The following BUB1 variants were observed in gnomAD, a reference collection of about 807,000 sequenced individuals.
BUB1 encodes the protein mitotic checkpoint serine/threonine-protein kinase BUB1.
In BUB1, 84 loss-of-function variants were observed where a neutral mutation model predicts 135.2. That is an observed-to-expected ratio of 0.62 (90% CI 0.52 to 0.74). BUB1 has a LOEUF of 0.74. Ranked by LOEUF, BUB1 falls within the 30% of genes least tolerant of loss-of-function variation. The pLI, the probability that BUB1 is intolerant of heterozygous loss-of-function variation, is 0.00. For synonymous variants in BUB1, 403 were observed against 434.4 expected (o/e 0.93, Z 0.90); for missense variants, 1,162 against 1,288.3 (o/e 0.90, Z 1.50).
chr2:110,649,850 T>A (rs1689735057), intron 18 of BUB1, among the ~76,000 whole-genome samples: 1 of 152,210 alleles, frequency 6.6e-6, no homozygotes, highest in Non-Finnish European at 1.5e-5. Flanking sequence ...AGAGAAATAA[T>A]TTCTAAAAGT....
chr2:110,642,224 C>T lies in BUB1; in HGVS notation c.2358G>A (p.Leu786=). Reference sequence around the variant, plus strand: ...CTCCAAGAAGGTGATGGACATAGACCAGCTTAGAACCTTAGAAGATAATTG... The same window carrying T: ...CTCCAAGAAGGTGATGGACATAGACTAGCTTAGAACCTTAGAAGATAATTG... ...PKTEFQLGSK[L]VYVHHLLGEG... Residue 786 remains leucine, a synonymous_variant, in exon 20 of 25, where the codon CTG becomes CTA. Transcript: ENST00000302759. The T allele has an allele frequency of 1.2e-6, 2 of 1,602,654 alleles. No homozygotes were observed. Among genetic ancestry groups the T allele is most frequent in the Admixed American group, 1.7e-5 (1 of 57,598 alleles).
chr2:110,675,726 G>A (rs764323008), intron 1 of BUB1, among the ~76,000 whole-genome samples: 11 of 151,806 alleles, frequency 7.2e-5, no homozygotes, highest in Non-Finnish European at 1.2e-4. Context: ...ATCATGGCTC[G>A]CTGTAACCTC....
chr2:110,649,142 G>C, intron 19 of BUB1, 92 bp downstream of exon 19: 2 of 1,218,552 alleles, frequency 1.6e-6, no homozygotes, highest in Non-Finnish European at 2.3e-6. Context: ...GGGCAAATAG[G>C]AGAATCACAC....
At chr2:110,657,441 T>G (rs1294788304) in intron 14 of BUB1, 105 bp downstream of exon 14, 1 of 801,950 alleles carries the variant, frequency 1.2e-6, no homozygotes, top group East Asian at 2.9e-5. Flanking sequence ...AAAAGGCTCA[T>G]TTGACCATGT....
chr2:110,669,389 G>A, intron 6 of BUB1, 64 bp downstream of exon 6: 1 of 1,114,538 alleles, frequency 9.0e-7, no homozygotes, highest in Non-Finnish European at 1.4e-6. Context: ...GATGTAGAAG[G>A]CAGCCAGGCT....
chr2:110,664,338 G>C (rs1447013695), intron 9 of BUB1, among the ~76,000 whole-genome samples: 5 of 152,040 alleles, frequency 3.3e-5, no homozygotes, highest in African/African-American at 9.7e-5. Flanking sequence ...CCCCTCTAGA[G>C]AAAAACAAAC....
At chr2:110,670,491 A>G (rs1690392436) in intron 5 of BUB1, 34 bp downstream of exon 5, 1 of 1,609,988 alleles carries the variant, frequency 6.2e-7, no homozygotes, top group South Asian at 1.1e-5. Flanking sequence ...GACTAAATGG[A>G]CAACAACAGG....
chr2:110,648,511 A>AT lies in BUB1; in HGVS notation c.2347+722dup. Among the ~76,000 whole-genome samples, 1 of 152,270 alleles carries AT rather than the reference A, an allele frequency of 6.6e-6. No individual in the cohort carries two copies. Among genetic ancestry groups the AT allele is most frequent in the East Asian group, 1.9e-4 (1 of 5,184 alleles). ...CTACATTCGTAAAAAACCCCACAGGATATACAACCCAAAGAGTGAACCCTA... is the reference window on the plus strand; with the variant it reads ...CTACATTCGTAAAAAACCCCACAGGATTATACAACCCAAAGAGTGAACCCTA... On this transcript the variant is annotated intron_variant, in intron 19 of 24. Coordinates refer to ENST00000302759, the MANE Select transcript of BUB1 (RefSeq NM_004336.5). The surrounding 1 kb of genome is among the most constrained non-coding windows in gnomAD (Gnocchi z 4.2).
intron 16 of BUB1, among the ~76,000 whole-genome samples, chr2:110,653,938 G>A (rs76385721): frequency 0.016 from 2,482 of 152,280 alleles, 24 homozygotes; most frequent in Non-Finnish European, 0.025. Flanking sequence ...CCAGGAGTTT[G>A]AGGCTGCACT....
rs1193509925 is a variant in BUB1, at chr2:110,678,042, A to G, written c.-47T>C. 13 of 1,573,164 alleles carry G rather than the reference A, an allele frequency of 8.3e-6. No homozygotes were observed. Among genetic ancestry groups the G allele is most frequent in the African/African-American group, 1.4e-5 (1 of 73,562 alleles). On this transcript the variant is annotated 5_prime_UTR_variant, in exon 1 of 25. Transcript: ENST00000302759. ...AGCGGCCAAACCTGAACCGCAAACTAGAAGCCGCCGCCGATTCGAATACCC... is the reference window on the plus strand; with the variant it reads ...AGCGGCCAAACCTGAACCGCAAACTGGAAGCCGCCGCCGATTCGAATACCC...
At chr2:110,670,712 T>C in intron 4 of BUB1, 144 bp from the exon 5 acceptor site, 1 of 711,684 alleles carries the variant, frequency 1.4e-6, no homozygotes, top group Non-Finnish European at 2.2e-6. Context: ...CATTTTAGAG[T>C]TGCTTCGAAA....
chr2:110,639,705 A>G, intron 24 of BUB1, 37 bp downstream of exon 24: 1 of 1,453,894 alleles, frequency 6.9e-7, no homozygotes, highest in Non-Finnish European at 9.6e-7. Context: ...TACTTTAGTT[A>G]TTCTCTTTTC....
rs529871883 is a variant in BUB1, at chr2:110,677,324, G to C, written c.26+646C>G. Reference sequence around the variant, plus strand: ...CGCAAAGAACTGATAAAACGGACCAGTTTTACTTCCTGAACCTATGACTTA... The same window carrying C: ...CGCAAAGAACTGATAAAACGGACCACTTTTACTTCCTGAACCTATGACTTA... On this transcript the variant is annotated intron_variant, in intron 1 of 24. Transcript: ENST00000302759. Among the ~76,000 whole-genome samples the C allele has an allele frequency of 2.0e-5, 3 of 152,254 alleles. No homozygotes were observed. In the East Asian group the frequency reaches 5.8e-4, roughly 29 times the overall value.
chr2:110,672,553 CA>C lies in BUB1; in HGVS notation c.422+107del, dbSNP rs1690450697. The C allele has an allele frequency of 3.2e-6, 4 of 1,244,306 alleles. No individual in the cohort carries two copies. The Admixed American group carries it at 1.2e-4, about 37-fold the overall frequency. 77.1% of individuals were successfully genotyped at this position (1,244,306 alleles called of 1,614,324 possible). On this transcript the variant is annotated intron_variant, in intron 4 of 24. Transcript: ENST00000302759. The stretch of plus-strand genomic sequence containing the variant: ...ACTATCCTGTATTATCCACATTGTC[CA>C]AAACTAGAAGGATTTCCCTGTACAA...
chr2:110,669,406 T>A, intron 6 of BUB1, 47 bp downstream of exon 6: 1 of 1,344,660 alleles, frequency 7.4e-7, no homozygotes, highest in Non-Finnish European at 1.1e-6. Flanking sequence ...GGCTGGCCAT[T>A]CAATACCATT....
rs1466767067 is a variant in BUB1 at position 110,657,137 on chromosome 2, A to C, written c.1617-20T>G. 1 of 1,586,588 alleles carries C rather than the reference A, an allele frequency of 6.3e-7. No homozygotes were observed. The highest frequency in any genetic ancestry group is 1.4e-5 in the African/African-American group (1 of 74,022). The stretch of plus-strand genomic sequence containing the variant: ...GGTAATCTAAGGAAAGATTTGCTAA[A>C]TTATAAATAGTAAAATATGCTAAGG... On this transcript the variant is annotated intron_variant, in intron 14 of 24. Coordinates refer to ENST00000302759, the MANE Select transcript of BUB1 (RefSeq NM_004336.5).
At chr2:110,654,056 T>A (rs889352531) in intron 16 of BUB1, among the ~76,000 whole-genome samples, 3 of 152,064 alleles carry the variant, frequency 2.0e-5, no homozygotes, top group Non-Finnish European at 4.4e-5. Context: ...CTAATTCCTA[T>A]AATCCTTCAA....
chr2:110,671,977 C>T (rs1690435465), intron 4 of BUB1, among the ~76,000 whole-genome samples: 1 of 152,206 alleles, frequency 6.6e-6, no homozygotes, highest in Admixed American at 6.5e-5. Flanking sequence ...AATCCCAGCA[C>T]TTTGGGAGGC....
intron 9 of BUB1, 191 bp from the exon 10 acceptor site, chr2:110,662,032 G>T: frequency 1.6e-6 from 1 of 620,450 alleles, no homozygotes; most frequent in Non-Finnish European, 2.7e-6. Flanking sequence ...TCTACAAAAT[G>T]GATGCTTTGT....
Sources: gnomAD v4.1 joint callset for allele counts (sites outside exome capture counted in the v4.1 genomes callset) on GRCh38, gnomAD v4.1.1 for gene constraint, Gnocchi (gnomAD v3.1) non-coding constraint, MANE v1.5 for transcripts, NCBI Gene and HGNC (gene_info 2026-07-23, HGNC 2026-07-21) for gene names.